NAALADL2: variants seen among roughly 807,000 people sequenced by gnomAD.
NAALADL2 encodes the protein N-acetylated alpha-linked acidic dipeptidase like 2.
Under a neutral mutation model 87.2 loss-of-function variants are expected in NAALADL2, and 76 were observed. The observed-to-expected ratio is 0.87, with a 90% CI of 0.72 to 1.05. NAALADL2 has a LOEUF of 1.05. Among genes scored for constraint, NAALADL2 ranks in the 50% least tolerant of loss-of-function variants. The pLI is 0.00. For synonymous variants in NAALADL2, 354 were observed against 331.0 expected, an observed-to-expected ratio of 1.07 and a Z score of -0.75; for missense variants, 1,089 against 945.8, an observed-to-expected ratio of 1.15 and a Z score of -1.99.
At chr3:174,856,490 T>C (rs2109508040), upstream of NAALADL2, among the ~76,000 whole-genome samples, 1 of 152,248 alleles carries the variant, frequency 6.6e-6, no homozygotes, top group East Asian at 1.9e-4. Context: ...GCCCAGGATG[T>C]GAATCATCCG....
chr3:175,774,056 T>C (rs1017981631), intron 13 of NAALADL2, among the ~76,000 whole-genome samples: 1 of 152,108 alleles, frequency 6.6e-6, no homozygotes, highest in Non-Finnish European at 1.5e-5. Flanking sequence ...TTATTGATGA[T>C]GTATGGTACA....
At position 175,798,832 on chromosome 3, in the gene NAALADL2, CT is replaced by C. The variant is rs1194992027; in HGVS notation, c.2190-4169del. On this transcript the variant is annotated intron_variant, in intron 13 of 13. Transcript: ENST00000454872. ...TTGCCATCACAGGATTAATCTGTAA[CT>C]TTTATGAGCATATTTTATTAATAAC... is the stretch of plus-strand genomic sequence containing the variant. 2.0e-5 allele frequency among the ~76,000 whole-genome samples: 3 copies of C among 152,084 alleles called. No homozygotes were observed. In the East Asian group the frequency reaches 5.8e-4, roughly 29 times the overall value.
intron 4 of NAALADL2, among the ~76,000 whole-genome samples, chr3:175,305,013 A>G (rs895006607): frequency 2.0e-5 from 3 of 152,100 alleles, no homozygotes; most frequent in African/African-American, 7.2e-5. Flanking sequence ...TCATTGTTAC[A>G]TATTTTACTT....
intron 5 of NAALADL2, among the ~76,000 whole-genome samples, chr3:175,356,852 GTA>G (rs1040312970): frequency 6.6e-6 from 1 of 152,044 alleles, no homozygotes; most frequent in African/African-American, 2.4e-5. Flanking sequence ...GCATGTTTTT[GTA>G]TGTTGACATG....
intron 2 of NAALADL2, among the ~76,000 whole-genome samples, chr3:175,139,585 T>G (rs1367182522): frequency 1.3e-5 from 2 of 152,112 alleles, no homozygotes; most frequent in African/African-American, 4.8e-5. Context: ...TATCACCTTC[T>G]TATATTTTAT....
intron 1 of NAALADL2, among the ~76,000 whole-genome samples, chr3:174,985,875 C>T (rs1436546180): frequency 6.6e-6 from 1 of 151,900 alleles, no homozygotes; most frequent in Non-Finnish European, 1.5e-5. Flanking sequence ...TTGCTTGAAC[C>T]TGGGAGGCGG....
intron 4 of NAALADL2, among the ~76,000 whole-genome samples, chr3:175,323,939 A>T (rs1383786988): frequency 6.7e-6 from 1 of 149,474 alleles, no homozygotes; most frequent in Admixed American, 6.7e-5. Context: ...AATGGCGTGA[A>T]CCCGGGAGGT....
intron 1 of NAALADL2, among the ~76,000 whole-genome samples, chr3:175,018,118 A>T (rs543324221): frequency 1.3e-5 from 2 of 152,168 alleles, no homozygotes; most frequent in African/African-American, 4.8e-5. Context: ...TACTGACTAA[A>T]GCTTGTCTTT....
chr3:175,142,175 C>T (rs566750757), intron 2 of NAALADL2, among the ~76,000 whole-genome samples: 2 of 152,088 alleles, frequency 1.3e-5, no homozygotes, highest in African/African-American at 4.8e-5. Flanking sequence ...CGATTCTTGT[C>T]CTCATTGAAT....
intron 10 of NAALADL2, among the ~76,000 whole-genome samples, chr3:175,582,532 C>A (rs558743985): frequency 6.6e-6 from 1 of 152,206 alleles, no homozygotes; most frequent in Admixed American, 6.5e-5. Flanking sequence ...AATAATGCTA[C>A]TTGCAGGTGG....
chr3:175,463,575 T>A, intron 7 of NAALADL2, 82 bp downstream of exon 7: 1 of 721,902 alleles, frequency 1.4e-6, no homozygotes. Flanking sequence ...AATATTATAC[T>A]TAAATATCCT....
intron 1 of NAALADL2, among the ~76,000 whole-genome samples, chr3:174,480,792 C>A (rs1485187589): frequency 6.6e-6 from 1 of 152,000 alleles, no homozygotes; most frequent in Non-Finnish European, 1.5e-5. Flanking sequence ...GAAGAGGTTC[C>A]AGTTAGGTAT....
At chr3:175,210,693 A>G (rs1243951757) in intron 2 of NAALADL2, among the ~76,000 whole-genome samples, 4 of 151,810 alleles carry the variant, frequency 2.6e-5, no homozygotes, top group African/African-American at 9.6e-5. Context: ...CCCTCAAAAT[A>G]ATATGAGATG....
intron 7 of NAALADL2, among the ~76,000 whole-genome samples, chr3:175,465,592 C>A (rs901561163): frequency 6.6e-6 from 1 of 151,438 alleles, no homozygotes; most frequent in Non-Finnish European, 1.5e-5. Context: ...CCTGCCTCAG[C>A]CTCCCGAATA....
intron 2 of NAALADL2, among the ~76,000 whole-genome samples, chr3:174,703,293 C>A (rs1256000506): frequency 1.3e-5 from 2 of 149,612 alleles, no homozygotes; most frequent in Non-Finnish European, 3.0e-5. Context: ...GCACATGCTA[C>A]CATGCCTGGC....
At chr3:174,497,774 C>T (rs1718636548) in intron 1 of NAALADL2, among the ~76,000 whole-genome samples, 1 of 152,024 alleles carries the variant, frequency 6.6e-6, no homozygotes, top group Non-Finnish European at 1.5e-5. Context: ...TTGTTAATTG[C>T]TTGTGATAAT....
At chr3:174,987,812 T>TAATTA (rs1553911297) in intron 1 of NAALADL2, among the ~76,000 whole-genome samples, 5 of 120,076 alleles carry the variant, frequency 4.2e-5, no homozygotes, top group African/African-American at 2.3e-4. Context: ...ATATATATAA[T>TAATTA]TATATATATA....
At chr3:175,206,810 AGG>A (rs1740998219) in intron 2 of NAALADL2, among the ~76,000 whole-genome samples, 2 of 152,188 alleles carry the variant, frequency 1.3e-5, no homozygotes, top group African/African-American at 4.8e-5. Context: ...TTTCTGGCTT[AGG>A]TCTGCTAATC....
intron 11 of NAALADL2, among the ~76,000 whole-genome samples, chr3:175,667,127 A>G (rs942888012): frequency 4.7e-5 from 7 of 147,618 alleles, no homozygotes; most frequent in African/African-American, 7.7e-5. Context: ...GAGAGAGAGA[A>G]AAAGAAAGAA....
Sources: allele counts gnomAD v4.1 joint callset (sites outside exome capture counted in the v4.1 genomes callset), GRCh38; gene constraint gnomAD v4.1.1; transcripts MANE v1.5; gene names NCBI Gene and HGNC (gene_info 2026-07-23, HGNC 2026-07-21).